ANKRD26: variants seen among roughly 807,000 people sequenced by gnomAD.
ANKRD26 encodes the protein ankyrin repeat domain-containing protein 26.
ANKRD26 carries 141 observed loss-of-function variants against 208.7 expected under a neutral mutation model. The observed-to-expected ratio is 0.68, with a 90% CI of 0.59 to 0.78. The LOEUF (loss-of-function observed/expected upper bound fraction) is 0.78. Among genes scored for constraint, ANKRD26 ranks in the 30% least tolerant of loss-of-function variants. The pLI is 0.00. For synonymous variants in ANKRD26, 636 were observed against 660.4 expected, an observed-to-expected ratio of 0.96 and a Z score of 0.57; for missense variants, 1,889 against 1,938.7, an observed-to-expected ratio of 0.97 and a Z score of 0.48.
At chr10:27,052,282 A>C (rs567484846) in intron 16 of ANKRD26, 1 of 620,556 alleles carries the variant, frequency 1.6e-6, no homozygotes, top group Admixed American at 6.3e-5. Context: ...AGCCTAAAAT[A>C]GGAGAAAAAC....
intron 16 of ANKRD26, among the ~76,000 whole-genome samples, chr10:27,050,835 C>CT (rs2054629649): frequency 6.6e-6 from 1 of 152,176 alleles, no homozygotes; most frequent in Non-Finnish European, 1.5e-5. Context: ...CCATATGTCA[C>CT]TTGGAAGACT....
chr10:26,965,421 C>T, the ANKRD26 span, among the ~76,000 whole-genome samples: 3 of 152,322 alleles, frequency 2.0e-5, no homozygotes, highest in South Asian at 6.2e-4. Flanking sequence ...GGAAAACTGG[C>T]TAGCCATATG....
At chr10:26,982,447 A>G (rs539009354) in intron 4 of ANKRD26, among the ~76,000 whole-genome samples, 3 of 152,046 alleles carry the variant, frequency 2.0e-5, no homozygotes, top group Non-Finnish European at 4.4e-5. Flanking sequence ...AATCATTTGG[A>G]GAAAGCATTT....
chr10:27,087,217 G>A (rs2056152685), intron 4 of ANKRD26, among the ~76,000 whole-genome samples: 2 of 152,326 alleles, frequency 1.3e-5, no homozygotes, highest in Admixed American at 1.3e-4. Context: ...TCCTGGCTCT[G>A]TAACCAACAG....
At chr10:27,012,764 AT>A in intron 32 of ANKRD26, 117 bp downstream of exon 32, 1 of 944,958 alleles carries the variant, frequency 1.1e-6, no homozygotes, top group Non-Finnish European at 1.6e-6. Context: ...GTGAGCCAAG[AT>A]GGCACCACTG....
downstream of ANKRD26, among the ~76,000 whole-genome samples, chr10:26,969,785 T>C (rs1388434250): frequency 6.6e-6 from 1 of 152,118 alleles, no homozygotes; most frequent in Non-Finnish European, 1.5e-5. Context: ...CATGTAATCA[T>C]TAGTTTCTGT....
chr10:27,003,043 C>T (rs561223983), downstream of ANKRD26, among the ~76,000 whole-genome samples: 35 of 152,224 alleles, frequency 2.3e-4, no homozygotes, highest in African/African-American at 7.5e-4. Context: ...GTCATAGGAA[C>T]GTTATGTTTT....
chr10:27,092,424 G>A lies in ANKRD26; in HGVS notation c.620C>T (p.Ala207Val), dbSNP rs559349680. 2.5e-6 allele frequency: 4 copies of A among 1,610,408 alleles called. No homozygotes were observed. In the South Asian group the frequency reaches 4.4e-5, roughly 18 times the overall value. Residue 207 changes from alanine (A) to valine (V), a missense_variant, in exon 4 of 34, where the codon GCA becomes GTA. Ala to Val is a moderately conservative substitution (Grantham distance 64, BLOSUM62 0). This residue lies in a region of ANKRD26 where 1,272 missense variants were observed against 1,273.8 expected (regional missense o/e 1.00). Transcript: ENST00000376087. ...ACTGTACCTTTCCAACTTATCTACT[G>A]CATTTACATTTGCTTTTTTCTTTAT... The part of the protein sequence containing the change: ...FLIKKKANVN[A>V]VDKLESSHQL...
intron 33 of ANKRD26, 105 bp downstream of exon 33, chr10:27,006,812 T>G: frequency 1.2e-6 from 1 of 848,696 alleles, no homozygotes; most frequent in Non-Finnish European, 2.0e-6. Context: ...TTTAATGTAG[T>G]ATCTATTAGC....
At chr10:27,015,286 A>G (rs7907059) in intron 30 of ANKRD26, among the ~76,000 whole-genome samples, 3,353 of 152,324 alleles carry the variant, frequency 0.022, 134 homozygotes, top group African/African-American at 0.077. Context: ...GTGCGCATCA[A>G]TACATGCTGA....
At chr10:27,089,063 G>T (rs2056212765) in intron 4 of ANKRD26, among the ~76,000 whole-genome samples, 1 of 152,168 alleles carries the variant, frequency 6.6e-6, no homozygotes. Flanking sequence ...TCCTAACTTT[G>T]AAGTCTACCT....
Position 27,034,867 on chromosome 10 carries a change from C to CTTT in ANKRD26, c.3582_3583insAAA (p.Lys1194dup). ...AAGTGATTACATTCACTGATTAACT[C>CTTT]CTTATTTCTTTCTTCTAGCAGAAGA... On this transcript the variant is annotated inframe_insertion, in exon 24 of 34. Coordinates refer to ENST00000376087, the MANE Select transcript of ANKRD26 (RefSeq NM_014915.3). The CTTT allele has an allele frequency of 3.7e-6, 6 of 1,613,262 alleles. No individual in the cohort carries two copies. The highest frequency in any genetic ancestry group is 5.1e-6 in the Non-Finnish European group (6 of 1,179,790).
intron 17 of ANKRD26, 43 bp downstream of exon 17, chr10:27,048,758 G>C (rs1287151532): frequency 6.4e-7 from 1 of 1,567,688 alleles, no homozygotes; most frequent in Non-Finnish European, 8.8e-7. Context: ...AATTTTTATA[G>C]CACAATAACA....
intron 4 of ANKRD26, among the ~76,000 whole-genome samples, 159 bp from the exon 5 acceptor site, chr10:27,086,768 G>GTTT (rs36035101): frequency 0.066 from 6,418 of 96,960 alleles, 412 homozygotes; most frequent in East Asian, 0.23. Flanking sequence ...AAACTTTTTT[G>GTTT]TTTTTTTTTT....
At chr10:26,991,458 C>T (rs979783750), downstream of ANKRD26, among the ~76,000 whole-genome samples, 15 of 149,338 alleles carry the variant, frequency 1.0e-4, no homozygotes, top group African/African-American at 3.5e-4. Context: ...TTTTTTGAGA[C>T]GGAGTTTCAC....
chr10:26,952,590 C>T, the ANKRD26 span, among the ~76,000 whole-genome samples: 3 of 152,072 alleles, frequency 2.0e-5, no homozygotes, highest in African/African-American at 7.2e-5. Flanking sequence ...AAGCTTGCGC[C>T]ACTGCACACC....
rs757801623 is a variant in ANKRD26, at chr10:27,044,193, A to T, written c.1986-3T>A. 6.0e-6 allele frequency: 2 copies of T among 331,602 alleles called. No homozygotes were observed. Among genetic ancestry groups the T allele is most frequent in the South Asian group, 1.9e-4 (2 of 10,260 alleles). The allele number at this position is 331,602 out of a possible 1,614,324, so 20.5% of individuals were successfully genotyped here. A position where few individuals can be genotyped will look rare whatever the true frequency, so the allele number is the denominator to read the frequency against. The stretch of plus-strand genomic sequence containing the variant: ...CATTAGATGTTTTCTTAGTAGGCCT[A>T]AAAAAAAAAAATACCTTTCAGGCAA... On this transcript the variant is annotated splice_region_variant and splice_polypyrimidine_tract_variant and intron_variant, in intron 18 of 33. Coordinates refer to ENST00000376087, the MANE Select transcript of ANKRD26 (RefSeq NM_014915.3).
At chr10:26,968,014 T>C in the ANKRD26 span, among the ~76,000 whole-genome samples, 1 of 152,152 alleles carries the variant, frequency 6.6e-6, no homozygotes, top group Non-Finnish European at 1.5e-5. Flanking sequence ...CTTTGAAGAA[T>C]AGAAATCCAA....
chr10:27,027,287 A>G (rs1349549291), intron 27 of ANKRD26, among the ~76,000 whole-genome samples: 2 of 152,236 alleles, frequency 1.3e-5, no homozygotes, highest in Non-Finnish European at 2.9e-5. Flanking sequence ...CATAGTATCC[A>G]TTCTTGATGA....
Sources: allele counts gnomAD v4.1 joint callset (sites outside exome capture counted in the v4.1 genomes callset), GRCh38; gene constraint gnomAD v4.1.1; regional missense constraint gnomAD v4.1.1; transcripts MANE v1.5; gene names NCBI Gene and HGNC (gene_info 2026-07-23, HGNC 2026-07-21).